Variants in ITSN1 observed in about 807,000 individuals in gnomAD.
ITSN1 encodes the protein intersectin 1.
In ITSN1, 58 loss-of-function variants were observed where a neutral mutation model predicts 239.8. The observed-to-expected ratio is 0.24, with a 90% CI of 0.20 to 0.30. The LOEUF (loss-of-function observed/expected upper bound fraction) is 0.30, where lower values mean the gene tolerates loss of function less well. Among genes scored for constraint, ITSN1 ranks in the 10% least tolerant of loss-of-function variants. The pLI is 1.00. For synonymous variants in ITSN1, 780 were observed against 770.8 expected (o/e 1.01, Z -0.20); for missense variants, 1,558 against 2,103.3 (o/e 0.74, Z 5.07).
chr21:33,866,602 G>A (rs752632533), intron 32 of ITSN1, among the ~76,000 whole-genome samples: 4 of 151,966 alleles, frequency 2.6e-5, no homozygotes, highest in Admixed American at 6.6e-5. Context: ...AGCAGGTCCC[G>A]GTCCCTGGAG....
intron 36 of ITSN1, among the ~76,000 whole-genome samples, chr21:33,883,904 T>G (rs1985362813): frequency 6.7e-6 from 1 of 149,226 alleles, no homozygotes; most frequent in Non-Finnish European, 1.5e-5. Context: ...GTTTTTTTTT[T>G]TTTTTTTTTT....
chr21:33,707,891 T>C (rs2092299541), intron 1 of ITSN1, among the ~76,000 whole-genome samples: 1 of 152,242 alleles, frequency 6.6e-6, no homozygotes, highest in African/African-American at 2.4e-5. Flanking sequence ...TAAATTTTCA[T>C]TTCTCTTAAC....
intron 4 of ITSN1, among the ~76,000 whole-genome samples, chr21:33,729,216 C>T (rs1023901879): frequency 3.9e-5 from 6 of 151,978 alleles, no homozygotes; most frequent in Admixed American, 6.5e-5. Context: ...TTTGGGAGGT[C>T]GAGGCAGGAG....
intron 23 of ITSN1, among the ~76,000 whole-genome samples, 175 bp from the exon 24 acceptor site, chr21:33,819,066 A>G (rs891900271): frequency 1.4e-5 from 2 of 140,450 alleles, no homozygotes; most frequent in African/African-American, 5.0e-5. Flanking sequence ...GCGAGCTTAG[A>G]GTCATGCCTC....
At chr21:33,722,559 T>TTC in intron 3 of ITSN1, 29 bp from the exon 4 acceptor site, 1 of 1,540,776 alleles carries the variant, frequency 6.5e-7, no homozygotes, top group Non-Finnish European at 8.7e-7. Context: ...TTTTTTTTTT[T>TTC]CCTGAAACTT....
At chr21:33,813,655 C>T (rs1242694505) in intron 21 of ITSN1, among the ~76,000 whole-genome samples, 1 of 152,118 alleles carries the variant, frequency 6.6e-6, no homozygotes, top group Admixed American at 6.5e-5. Context: ...GCCCAGCCTC[C>T]TCCTTGTTCT....
chr21:33,704,046 C>T (rs75407013), intron 1 of ITSN1, among the ~76,000 whole-genome samples: 4,628 of 152,214 alleles, frequency 0.03, 233 homozygotes, highest in African/African-American at 0.11. Context: ...TTGTTTTCAG[C>T]GTAGGTGACC....
intron 1 of ITSN1, among the ~76,000 whole-genome samples, chr21:33,697,970 T>C (rs58511617): frequency 6.5e-4 from 99 of 152,318 alleles, no homozygotes; most frequent in African/African-American, 2.2e-3. Context: ...AAAAAGAGCT[T>C]CAAAGAGGGG....
intron 1 of ITSN1, among the ~76,000 whole-genome samples, chr21:33,674,346 A>G (rs1055198213): frequency 7.2e-5 from 11 of 152,206 alleles, no homozygotes; most frequent in African/African-American, 2.7e-4. Flanking sequence ...TGGATTCTGA[A>G]GGCCCACAGC....
At chr21:33,728,347 C>T (rs2065955201) in intron 4 of ITSN1, among the ~76,000 whole-genome samples, 1 of 152,122 alleles carries the variant, frequency 6.6e-6, no homozygotes, top group Non-Finnish European at 1.5e-5. Flanking sequence ...ATTCTCCTGC[C>T]TCAGCCTCCC....
chr21:33,824,629 G>A (rs2073880172), intron 25 of ITSN1, among the ~76,000 whole-genome samples: 1 of 152,176 alleles, frequency 6.6e-6, no homozygotes, highest in Non-Finnish European at 1.5e-5. Context: ...GCTCTTACAT[G>A]TGCGGCTCCG....
At chr21:33,692,504 A>G (rs575389151) in intron 1 of ITSN1, among the ~76,000 whole-genome samples, 8 of 152,180 alleles carry the variant, frequency 5.3e-5, no homozygotes, top group Non-Finnish European at 1.0e-4. Flanking sequence ...CACTGGAGCA[A>G]CATACTCAGG....
chr21:33,643,082 C>G (rs1335715545), intron 1 of ITSN1, among the ~76,000 whole-genome samples: 1 of 150,704 alleles, frequency 6.6e-6, no homozygotes, highest in Non-Finnish European at 1.5e-5. Context: ...CCTTCCCGGG[C>G]TGACCTCGCT....
intron 24 of ITSN1, among the ~76,000 whole-genome samples, chr21:33,822,347 A>G (rs1433900425): frequency 6.6e-6 from 1 of 152,262 alleles, no homozygotes; most frequent in Non-Finnish European, 1.5e-5. Flanking sequence ...TCGACATTAA[A>G]GGAACATCAT....
rs1176978358 is a variant in ITSN1, at chr21:33,774,867, T to C, written c.1444T>C (p.Leu482=). 8 of 1,611,936 alleles carry C rather than the reference T, an allele frequency of 5.0e-6. No homozygotes were observed. The highest frequency in any genetic ancestry group is 5.9e-6 in the Non-Finnish European group (7 of 1,179,444). The change falls in exon 13 of 40, where the codon TTA becomes CTA. Residue 482 remains leucine, a synonymous_variant. Coordinates refer to ENST00000381318, the MANE Select transcript of ITSN1 (RefSeq NM_003024.3). ...KAKKKTLEFE[L]EALNDKKHQL... ...AAAGAAAAAGACTTTGGAATTTGAA[T>C]TAGAAGCTCTAGTGAGTGAAGTTTG...
chr21:33,799,546 C>T (rs1266739255), intron 18 of ITSN1, among the ~76,000 whole-genome samples: 2 of 152,206 alleles, frequency 1.3e-5, no homozygotes, highest in Non-Finnish European at 2.9e-5. Context: ...GACCTTTAGG[C>T]AGCCTCGCCG....
intron 34 of ITSN1, among the ~76,000 whole-genome samples, chr21:33,876,027 G>T (rs1248076195): frequency 6.6e-6 from 1 of 151,082 alleles, no homozygotes; most frequent in East Asian, 2.0e-4. Context: ...ATTGCCAGAA[G>T]TTCTATTTAT....
intron 26 of ITSN1, among the ~76,000 whole-genome samples, chr21:33,827,988 CAGAT>C (rs1459461302): frequency 1.3e-5 from 2 of 152,110 alleles, no homozygotes; most frequent in Non-Finnish European, 2.9e-5. Context: ...AGTATTTAGT[CAGAT>C]AAATACAGTG....
chr21:33,674,191 A>G (rs2090463073), intron 1 of ITSN1, among the ~76,000 whole-genome samples: 1 of 152,222 alleles, frequency 6.6e-6, no homozygotes, highest in Admixed American at 6.5e-5. Flanking sequence ...CTCTACAGGT[A>G]TGATTTTCTT....
Sources: gnomAD v4.1 joint callset for allele counts (sites outside exome capture counted in the v4.1 genomes callset) on GRCh38, gnomAD v4.1.1 for gene constraint, MANE v1.5 for transcripts, NCBI Gene and HGNC (gene_info 2026-07-23, HGNC 2026-07-21) for gene names.